Variants in PRKCE observed in about 807,000 individuals in gnomAD.
PRKCE encodes the protein protein kinase C epsilon.
PRKCE carries 16 observed loss-of-function variants against 85.4 expected under a neutral mutation model. That is an observed-to-expected ratio of 0.19 (90% confidence interval 0.13 to 0.28). The LOEUF (loss-of-function observed/expected upper bound fraction) is 0.28, where lower values mean the gene tolerates loss of function less well. Among genes scored for constraint, PRKCE ranks in the 10% least tolerant of loss-of-function variants. The pLI is 1.00. For missense variants in PRKCE, 573 were observed against 975.2 expected, an observed-to-expected ratio of 0.59 and a Z score of 5.49; for synonymous variants, 388 against 371.5, an observed-to-expected ratio of 1.04 and a Z score of -0.51.
At chr2:45,879,990 T>C (rs1041857822) in intron 2 of PRKCE, among the ~76,000 whole-genome samples, 11 of 152,198 alleles carry the variant, frequency 7.2e-5, no homozygotes, top group Admixed American at 7.2e-4. Flanking sequence ...TGTGATTTTG[T>C]ATCCTTTAAC....
At chr2:46,028,046 A>T (rs1707250457) in intron 10 of PRKCE, among the ~76,000 whole-genome samples, 1 of 151,280 alleles carries the variant, frequency 6.6e-6, no homozygotes, top group South Asian at 2.1e-4. Context: ...GGTTCACGTG[A>T]TTCTCCTGCC....
rs529234428 is a variant in PRKCE at position 45,827,565 on chromosome 2, AT to A, written c.349-15431del. Among the ~76,000 whole-genome samples the A allele has an allele frequency of 2.0e-5, 3 of 152,320 alleles. No homozygotes were observed. The South Asian group carries it at 6.2e-4, about 32-fold the overall frequency. ...CACAGATGTATAAGGAGAGTTGCCC[AT>A]TTTCAGAGAATAGATAGTCCGTGCT... On this transcript the variant is annotated intron_variant, in intron 1 of 14. Coordinates refer to ENST00000306156, the MANE Select transcript of PRKCE (RefSeq NM_005400.3).
intron 2 of PRKCE, among the ~76,000 whole-genome samples, chr2:45,966,042 G>A (rs1304688932): frequency 1.3e-5 from 2 of 152,008 alleles, no homozygotes; most frequent in Admixed American, 6.5e-5. Context: ...CACACAGTTG[G>A]GTACAAGTGG....
intron 14 of PRKCE, among the ~76,000 whole-genome samples, chr2:46,160,250 C>T (rs534747328): frequency 3.9e-5 from 6 of 152,286 alleles, no homozygotes; most frequent in East Asian, 1.9e-4. Context: ...AGGCCCACTG[C>T]GTAAAAGTGC....
intron 10 of PRKCE, among the ~76,000 whole-genome samples, chr2:46,023,109 A>AAAAAAAAAAAAT (rs1383340242): frequency 1.3e-5 from 2 of 150,860 alleles, no homozygotes; most frequent in African/African-American, 4.9e-5. Context: ...AAAAAAAAAA[A>AAAAAAAAAAAAT]ATCATCTATA....
At chr2:45,873,230 G>C (rs763731033) in intron 2 of PRKCE, among the ~76,000 whole-genome samples, 5 of 152,116 alleles carry the variant, frequency 3.3e-5, no homozygotes, top group Non-Finnish European at 7.4e-5. Context: ...GTCTGCCACT[G>C]GTCAGTAGAA....
At chr2:46,058,378 G>T (rs537409872) in intron 10 of PRKCE, among the ~76,000 whole-genome samples, 5 of 152,350 alleles carry the variant, frequency 3.3e-5, no homozygotes, top group African/African-American at 1.2e-4. Context: ...ATTGTGTGGG[G>T]ATGAAACGTC....
intron 6 of PRKCE, among the ~76,000 whole-genome samples, chr2:45,987,823 C>T (rs1045155707): frequency 6.6e-6 from 1 of 152,194 alleles, no homozygotes; most frequent in Admixed American, 6.5e-5. Context: ...CTCTTTAGAT[C>T]CTTTCTCCTC....
chr2:45,807,219 A>G (rs564874547), intron 1 of PRKCE, among the ~76,000 whole-genome samples: 3 of 152,332 alleles, frequency 2.0e-5, no homozygotes, highest in East Asian at 3.9e-4. Flanking sequence ...TGTTGCTGTA[A>G]AGAGGTAATA....
chr2:45,742,777 G>A (rs926385432), intron 1 of PRKCE, among the ~76,000 whole-genome samples: 4 of 152,130 alleles, frequency 2.6e-5, no homozygotes, highest in Non-Finnish European at 4.4e-5. Context: ...TCCAGCAATC[G>A]CACTTCTGGG....
At chr2:46,133,852 G>A (rs1674701569) in intron 11 of PRKCE, among the ~76,000 whole-genome samples, 1 of 152,200 alleles carries the variant, frequency 6.6e-6, no homozygotes, top group South Asian at 2.1e-4. Flanking sequence ...TTGTTGTAGA[G>A]GAGCTGACCA....
At chr2:45,985,266 C>G (rs983095361) in intron 6 of PRKCE, among the ~76,000 whole-genome samples, 1 of 152,204 alleles carries the variant, frequency 6.6e-6, no homozygotes, top group Admixed American at 6.5e-5. Flanking sequence ...CCTTGACTCT[C>G]GCGTCCTCAG....
At chr2:46,025,598 G>A (rs1052011627) in intron 10 of PRKCE, among the ~76,000 whole-genome samples, 7 of 152,126 alleles carry the variant, frequency 4.6e-5, no homozygotes, top group Non-Finnish European at 7.3e-5. Context: ...TCACATACAC[G>A]CTCATGTGCT....
chr2:45,782,814 TACTC>T (rs759185472), intron 1 of PRKCE, among the ~76,000 whole-genome samples: 10 of 151,454 alleles, frequency 6.6e-5, no homozygotes, highest in African/African-American at 9.7e-5. Context: ...AGGGGAAAAA[TACTC>T]AGCAAAGCTC....
At position 46,139,692 on chromosome 2, in the gene PRKCE, A is replaced by ATG. The variant is rs1188689168; in HGVS notation, c.1593-5393_1593-5392dup. 1.3e-5 allele frequency among the ~76,000 whole-genome samples: 2 copies of ATG among 151,598 alleles called. No homozygotes were observed. Among genetic ancestry groups the ATG allele is most frequent in the East Asian group, 3.9e-4 (2 of 5,172 alleles). ...CATATATATATATATGCGTATATATATGTGTGTGTATATATATACATATAT... is the reference window on the plus strand; with the variant it reads ...CATATATATATATATGCGTATATATATGTGTGTGTGTATATATATACATATAT... On this transcript the variant is annotated intron_variant, in intron 11 of 14. Transcript: ENST00000306156. This position sits in a 1 kb window ranked among gnomAD's most constrained non-coding sequence, Gnocchi z 5.2.
chr2:46,004,785 T>C lies in PRKCE; in HGVS notation c.1063+147T>C. On this transcript the variant is annotated intron_variant, in intron 8 of 14. Transcript: ENST00000306156. The surrounding 1 kb of genome is among the most constrained non-coding windows in gnomAD (Gnocchi z 4.1). Reference sequence around the variant, plus strand: ...TTTTCACACACCCGTTGCCTGTTGATTTAACAGTTCTTTCATTCTCCAAGA... The same window carrying C: ...TTTTCACACACCCGTTGCCTGTTGACTTAACAGTTCTTTCATTCTCCAAGA... 1.5e-6 allele frequency: 1 copy of C among 668,338 alleles called. No homozygotes were observed. Among genetic ancestry groups the C allele is most frequent in the Non-Finnish European group, 2.6e-6 (1 of 390,528 alleles). The allele number at this position is 668,338 out of a possible 1,614,324, so 41.4% of individuals were successfully genotyped here.
chr2:45,977,078 G>A (rs1702513147), intron 3 of PRKCE, among the ~76,000 whole-genome samples: 2 of 151,990 alleles, frequency 1.3e-5, no homozygotes, highest in Middle Eastern at 3.2e-3. Context: ...TGTATTTTTA[G>A]TAGAGGTAGG....
At chr2:45,807,233 A>C (rs1238558963) in intron 1 of PRKCE, among the ~76,000 whole-genome samples, 1 of 152,276 alleles carries the variant, frequency 6.6e-6, no homozygotes, top group African/African-American at 2.4e-5. Flanking sequence ...GGTAATATAC[A>C]TAAAGTGTGA....
chr2:45,803,156 G>T (rs1407313312), intron 1 of PRKCE, among the ~76,000 whole-genome samples: 5 of 152,162 alleles, frequency 3.3e-5, no homozygotes, highest in African/African-American at 4.8e-5. Flanking sequence ...GATCTTAGAG[G>T]AATCATTAAT....
Sources: allele counts gnomAD v4.1 joint callset (sites outside exome capture counted in the v4.1 genomes callset), GRCh38; gene constraint gnomAD v4.1.1; non-coding constraint Gnocchi (gnomAD v3.1); transcripts MANE v1.5; gene names NCBI Gene and HGNC (gene_info 2026-07-23, HGNC 2026-07-21).